Variants in ARHGAP42 observed in about 807,000 individuals in gnomAD.
ARHGAP42 encodes the protein rho GTPase-activating protein 42.
ARHGAP42 carries 63 observed loss-of-function variants against 125.0 expected under a neutral mutation model. The observed-to-expected ratio is 0.50, with a 90% CI of 0.41 to 0.62. The LOEUF (loss-of-function observed/expected upper bound fraction) is 0.62, where lower values mean the gene tolerates loss of function less well. Among genes scored for constraint, ARHGAP42 ranks in the 20% least tolerant of loss-of-function variants. ARHGAP42 has a pLI of 0.00. For missense variants in ARHGAP42, 766 were observed against 1,024.2 expected (o/e 0.75, Z 3.44); for synonymous variants, 339 against 351.0 (o/e 0.97, Z 0.38).
At chr11:100,910,458 G>A (rs1866880284) in intron 4 of ARHGAP42, among the ~76,000 whole-genome samples, 1 of 152,052 alleles carries the variant, frequency 6.6e-6, no homozygotes, top group Non-Finnish European at 1.5e-5. Context: ...ACAGTATGAA[G>A]TCTCTATTTT....
At chr11:100,875,246 C>T (rs2135166226) in intron 4 of ARHGAP42, among the ~76,000 whole-genome samples, 1 of 148,740 alleles carries the variant, frequency 6.7e-6, no homozygotes, top group African/African-American at 2.5e-5. Flanking sequence ...TTATTTTTTG[C>T]TTTTAAAGTT....
At chr11:100,758,496 T>C (rs1862626182) in intron 1 of ARHGAP42, among the ~76,000 whole-genome samples, 1 of 152,210 alleles carries the variant, frequency 6.6e-6, no homozygotes, top group Admixed American at 6.5e-5. Context: ...TGATGATTTT[T>C]GTTGTCACTG....
chr11:100,971,253 A>AT (rs751526837), intron 17 of ARHGAP42, among the ~76,000 whole-genome samples: 1 of 151,648 alleles, frequency 6.6e-6, no homozygotes, highest in Non-Finnish European at 1.5e-5. Context: ...ATCCTTTATG[A>AT]TTTTTTCTCT....
At chr11:100,694,168 A>G (rs144559087) in intron 1 of ARHGAP42, among the ~76,000 whole-genome samples, 3,902 of 152,056 alleles carry the variant, frequency 0.026, 54 homozygotes, top group Middle Eastern at 0.068. Flanking sequence ...CCTGACCTCA[A>G]GTGATCCACC....
At chr11:100,718,969 G>GAA (rs1861711575) in intron 1 of ARHGAP42, among the ~76,000 whole-genome samples, 1 of 152,198 alleles carries the variant, frequency 6.6e-6, no homozygotes. Context: ...GAAAGGAAGA[G>GAA]AAGGTTGTGA....
chr11:100,884,089 A>C (rs1274797096), intron 4 of ARHGAP42, among the ~76,000 whole-genome samples: 1 of 152,102 alleles, frequency 6.6e-6, no homozygotes, highest in Non-Finnish European at 1.5e-5. Flanking sequence ...CATTCTTTTC[A>C]TTTGTACTAT....
In ARHGAP42 at chr11:100,837,926, T is replaced by TTTTTA. The variant is rs140607707; in HGVS notation, c.313-21607_313-21603dup. On this transcript the variant is annotated intron_variant, in intron 3 of 23. Coordinates refer to ENST00000298815, the MANE Select transcript of ARHGAP42 (RefSeq NM_152432.4). ...GTTTTCATTGGTGCAGTCTAACAGG[T>TTTTTA]TTTTATTTTATTTTATTTTATTTTA... Among the ~76,000 whole-genome samples the TTTTTA allele has an allele frequency of 1.7e-5, 2 of 116,826 alleles. 1 individual carries two copies. The highest frequency in any genetic ancestry group is 6.6e-5 in the African/African-American group (2 of 30,366). The allele number at this position is 116,826 out of a possible 152,430, so 76.6% of individuals were successfully genotyped here.
intron 3 of ARHGAP42, among the ~76,000 whole-genome samples, chr11:100,821,255 A>G (rs1263197634): frequency 6.6e-6 from 1 of 152,072 alleles, no homozygotes; most frequent in African/African-American, 2.4e-5. Context: ...TGGAAAAAGC[A>G]AGTAAATTCT....
intron 4 of ARHGAP42, among the ~76,000 whole-genome samples, chr11:100,912,610 A>G (rs1230493525): frequency 6.6e-6 from 1 of 152,194 alleles, no homozygotes; most frequent in Non-Finnish European, 1.5e-5. Flanking sequence ...GAAAAGACAT[A>G]TCTGGTGGAT....
intron 2 of ARHGAP42, among the ~76,000 whole-genome samples, chr11:100,782,724 T>C (rs1863342899): frequency 1.3e-5 from 2 of 152,252 alleles, no homozygotes; most frequent in East Asian, 3.9e-4. Context: ...TTCAGGATAG[T>C]TGGTGAGTCG....
intron 21 of ARHGAP42, among the ~76,000 whole-genome samples, chr11:100,978,667 A>G (rs963935137): frequency 6.6e-6 from 1 of 152,184 alleles, no homozygotes; most frequent in Non-Finnish European, 1.5e-5. Context: ...AGGAGTCAAT[A>G]GCCGTGCTGC....
chr11:100,716,098 C>T (rs987993555), intron 1 of ARHGAP42, among the ~76,000 whole-genome samples: 6 of 152,100 alleles, frequency 3.9e-5, no homozygotes, highest in Non-Finnish European at 7.4e-5. Flanking sequence ...AAATGAGAAA[C>T]GAGGGGAGAC....
At chr11:100,741,946 T>A (rs1436486822) in intron 1 of ARHGAP42, among the ~76,000 whole-genome samples, 1 of 152,162 alleles carries the variant, frequency 6.6e-6, no homozygotes, top group South Asian at 2.1e-4. Context: ...GACTCCAAAT[T>A]TAGTTTTTCG....
intron 10 of ARHGAP42, 112 bp from the exon 11 acceptor site, chr11:100,948,345 C>T (rs1868077609): frequency 1.3e-6 from 1 of 746,622 alleles, no homozygotes; most frequent in Non-Finnish European, 2.0e-6. Context: ...TCTCCTCTGT[C>T]TTCATTTCTC....
At position 100,704,949 on chromosome 11, in the gene ARHGAP42, G is replaced by C. The variant is rs539654880; in HGVS notation, c.154+17117G>C. 1.3e-3 allele frequency among the ~76,000 whole-genome samples: 152 copies of C among 113,358 alleles called. 1 individual carries two copies. The highest frequency in any genetic ancestry group is 2.0e-4 in the Non-Finnish European group (11 of 53,698). 74.4% of individuals were successfully genotyped at this position (113,358 alleles called of 152,430 possible). A position where few individuals can be genotyped will look rare whatever the true frequency, so the allele number is the denominator to read the frequency against. On this transcript the variant is annotated intron_variant, in intron 1 of 23. Transcript: ENST00000298815. ...GCTATGTTCAAGCCACTGCACCACA[G>C]CCTGGGTGAGCCTGGGTGAGCCTGA...
intron 1 of ARHGAP42, 118 bp downstream of exon 1, chr11:100,687,950 A>T: frequency 8.5e-7 from 1 of 1,173,232 alleles, no homozygotes; most frequent in Non-Finnish European, 1.2e-6. Context: ...TTTGGGGACA[A>T]AAGCTGAAGA....
intron 3 of ARHGAP42, chr11:100,840,649 A>G (rs567873342): frequency 6.6e-6 from 1 of 152,186 alleles, no homozygotes; most frequent in Admixed American, 6.5e-5. Flanking sequence ...AGAAAAAAGG[A>G]GATGGATTTA....
chr11:100,786,128 A>G (rs1025431657), intron 2 of ARHGAP42, among the ~76,000 whole-genome samples: 1 of 152,188 alleles, frequency 6.6e-6, no homozygotes, highest in African/African-American at 2.4e-5. Context: ...ATGTGAGAAT[A>G]CTCAAATTTG....
At chr11:100,875,073 GTCTCTCTCTCTCTC>G (rs143461552) in intron 4 of ARHGAP42, among the ~76,000 whole-genome samples, 47 of 110,518 alleles carry the variant, frequency 4.3e-4, no homozygotes, top group South Asian at 1.0e-3. Context: ...CTAATCCACT[GTCTCTCTCTCTCTC>G]TCTCTCTCTC....
Sources: gnomAD v4.1 joint callset for allele counts (sites outside exome capture counted in the v4.1 genomes callset) on GRCh38, gnomAD v4.1.1 for gene constraint, MANE v1.5 for transcripts, NCBI Gene and HGNC (gene_info 2026-07-23, HGNC 2026-07-21) for gene names.